MXRA7: variants seen among roughly 807,000 people sequenced by gnomAD.
MXRA7 encodes matrix-remodeling-associated protein 7.
In MXRA7, 18 loss-of-function variants were observed where a neutral mutation model predicts 17.4. That is an observed-to-expected ratio of 1.03 (90% confidence interval 0.71 to 1.53). The LOEUF is 1.53. MXRA7 is among the 40% of genes most tolerant of loss of function. The pLI, the probability that MXRA7 is intolerant of heterozygous loss-of-function variation, is 0.00. For synonymous variants in MXRA7, 70 were observed against 101.7 expected (o/e 0.69, Z 1.87); for missense variants, 141 against 209.3 (o/e 0.67, Z 2.01).
chr17:76,683,906 G>A (rs370041559), intron 3 of MXRA7: 7 of 1,613,884 alleles, frequency 4.3e-6, no homozygotes, highest in African/African-American at 2.7e-5. Flanking sequence ...ACAGGGAAGT[G>A]AGGTCAGAGG....
chr17:76,673,019 A>G (rs999399160), exon 4 of MXRA7: 3 of 152,220 alleles, frequency 2.0e-5, no homozygotes, highest in African/African-American at 7.2e-5. Flanking sequence ...ATTGGTGGCC[A>G]TGCTATAGCC....
rs998893638 is a variant in MXRA7, at chr17:76,706,041, G to A, written c.342+4564C>T. Among the ~76,000 whole-genome samples the A allele has an allele frequency of 2.0e-5, 3 of 150,862 alleles. No individual in the cohort carries two copies. The South Asian group carries it at 6.3e-4, about 32-fold the overall frequency. On this transcript the variant is annotated intron_variant, in intron 1 of 3. Transcript: ENST00000449428. ...CACTGCCATCACGAAGGCCCACTCT[G>A]CTATCACAAAGGACCACACTGCCAT...
chr17:76,701,107 C>A (rs982332618), intron 1 of MXRA7, among the ~76,000 whole-genome samples: 1 of 151,786 alleles, frequency 6.6e-6, no homozygotes, highest in Non-Finnish European at 1.5e-5. Context: ...GTGCTCTCTG[C>A]GCTAGGAAGG....
intron 1 of MXRA7, among the ~76,000 whole-genome samples, chr17:76,693,475 C>CAAAAA (rs59677254): frequency 4.1e-5 from 4 of 98,636 alleles, no homozygotes; most frequent in Non-Finnish European, 7.4e-5. Flanking sequence ...AGATCTGTCT[C>CAAAAA]AAAAAAAAAA....
At position 76,701,524 on chromosome 17, in the gene MXRA7, CA is replaced by C. The variant is rs535846159; in HGVS notation, c.342+9080del. ...GATGTGGGCACCATCAGCTATTGAT[CA>C]GGGGGATGGGGGCGGCAGGTGTGTT... On this transcript the variant is annotated intron_variant, in intron 1 of 3. Transcript: ENST00000449428. Among the ~76,000 whole-genome samples the C allele has an allele frequency of 3.4e-3, 515 of 152,080 alleles. 1 individual carries two copies. The highest frequency in any genetic ancestry group is 6.8e-3 in the Middle Eastern group (2 of 294).
intron 1 of MXRA7, 82 bp downstream of exon 1, chr17:76,710,523 C>G (rs1208372519): frequency 1.8e-5 from 21 of 1,149,358 alleles, no homozygotes; most frequent in Non-Finnish European, 1.8e-5. Context: ...GCCGCGGCCC[C>G]GCTCCCTGGC....
At chr17:76,685,483 G>A (rs1216289908) in intron 2 of MXRA7, among the ~76,000 whole-genome samples, 1 of 152,226 alleles carries the variant, frequency 6.6e-6, no homozygotes. Context: ...TGAGCTCAGA[G>A]GCGACAACTC....
At chr17:76,696,548 A>G (rs191081921) in intron 1 of MXRA7, among the ~76,000 whole-genome samples, 20 of 152,036 alleles carry the variant, frequency 1.3e-4, no homozygotes, top group Middle Eastern at 6.9e-3. Context: ...TAAAAAATAA[A>G]CAGGTGTCAA....
chr17:76,686,728 T>G (rs7208272), intron 2 of MXRA7, among the ~76,000 whole-genome samples: 149,737 of 152,250 alleles, frequency 0.98, 73,687 homozygotes, highest in Middle Eastern at 1. Context: ...TGAATTCACC[T>G]AGTCGCTCAG....
At chr17:76,684,077 G>A in intron 3 of MXRA7, 1 of 711,178 alleles carries the variant, frequency 1.4e-6, no homozygotes, top group Non-Finnish European at 2.6e-6. Flanking sequence ...TCCTGCTGAG[G>A]GTCGAGAGCG....
At chr17:76,710,546 G>A (rs956084873) in intron 1 of MXRA7, 59 bp downstream of exon 1, 27 of 1,214,104 alleles carry the variant, frequency 2.2e-5, no homozygotes, top group Non-Finnish European at 2.8e-5. Flanking sequence ...GGCGGGGAAC[G>A]GCAGCGGCAG....
At chr17:76,685,260 C>T (rs916499651) in intron 2 of MXRA7, 95 bp from the exon 3 acceptor site, 1 of 844,660 alleles carries the variant, frequency 1.2e-6, no homozygotes, top group African/African-American at 1.7e-5. Flanking sequence ...AGAAACACCT[C>T]AAGCAGAGGC....
downstream of MXRA7, among the ~76,000 whole-genome samples, chr17:76,679,397 T>C (rs2076269356): frequency 6.6e-6 from 1 of 152,110 alleles, no homozygotes; most frequent in African/African-American, 2.4e-5. Context: ...ACACAGATCA[T>C]GTCATGTGGT....
chr17:76,683,579 G>A (rs898021491), intron 3 of MXRA7, among the ~76,000 whole-genome samples: 4 of 152,198 alleles, frequency 2.6e-5, no homozygotes, highest in African/African-American at 9.7e-5. Flanking sequence ...GCGAGGGGGC[G>A]CTAGCACCCC....
At chr17:76,702,880 T>TAC in intron 1 of MXRA7, among the ~76,000 whole-genome samples, 1 of 149,490 alleles carries the variant, frequency 6.7e-6, no homozygotes, top group African/African-American at 2.5e-5. Context: ...TACGTATATA[T>TAC]ATATATATAT....
At chr17:76,688,844 A>G (rs1452131879) in intron 1 of MXRA7, 3 of 425,548 alleles carry the variant, frequency 7.0e-6, no homozygotes, top group Non-Finnish European at 1.2e-5. Context: ...GGGAGGGGAC[A>G]TGGGAGCCCC....
Position 76,701,926 on chromosome 17 carries a change from CAA to C in MXRA7, c.342+8677_342+8678del, listed in dbSNP as rs566854064. On this transcript the variant is annotated intron_variant, in intron 1 of 3. Transcript: ENST00000449428. ...TTTAACAGTTTCTGGCAAGTTCCTA[CAA>C]AGAGGATTTAGAGGACACCAAAAGC... 5.3e-4 allele frequency among the ~76,000 whole-genome samples: 80 copies of C among 152,236 alleles called. 1 individual carries two copies. The South Asian group carries it at 0.015, about 29-fold the overall frequency.
chr17:76,710,471 G>A, intron 1 of MXRA7, 134 bp downstream of exon 1: 2 of 713,396 alleles, frequency 2.8e-6, no homozygotes, highest in Non-Finnish European at 1.9e-6. Flanking sequence ...ATTTCCTGCG[G>A]GCCGCGGGTT....
chr17:76,678,775 C>T (rs9900613), downstream of MXRA7, among the ~76,000 whole-genome samples: 58,379 of 151,976 alleles, frequency 0.38, 11,421 homozygotes, highest in Middle Eastern at 0.5. Context: ...TCTCCACGTT[C>T]GCTCCCATAC....
Sources: allele counts gnomAD v4.1 joint callset (sites outside exome capture counted in the v4.1 genomes callset), GRCh38; gene constraint gnomAD v4.1.1; transcripts MANE v1.5; gene names NCBI Gene and HGNC (gene_info 2026-07-23, HGNC 2026-07-21).